The following MEIS1 variants were observed in gnomAD, a reference collection of about 807,000 sequenced individuals.
MEIS1 encodes the protein Meis homeobox 1, also known as homeobox protein Meis1.
In MEIS1, 5 loss-of-function variants were observed where a neutral mutation model predicts 50.8. The observed-to-expected ratio is 0.10, with a 90% CI of 0.05 to 0.21. The LOEUF (loss-of-function observed/expected upper bound fraction) is 0.21, where lower values mean the gene tolerates loss of function less well. Ranked by LOEUF, MEIS1 falls within the 10% of genes least tolerant of loss-of-function variation. The probability of loss-of-function intolerance (pLI) is 1.00; values close to 1 mark genes in which losing one functional copy is unlikely to be tolerated. For missense variants in MEIS1, 318 were observed against 517.3 expected (o/e 0.61, Z 3.74); for synonymous variants, 176 against 179.3 (o/e 0.98, Z 0.15).
intron 7 of MEIS1, among the ~76,000 whole-genome samples, chr2:66,511,162 T>C (rs2103851912): frequency 6.6e-6 from 1 of 152,338 alleles, no homozygotes; most frequent in East Asian, 1.9e-4. Context: ...CTTTTTGACT[T>C]TGATGCCAAG....
Position 66,442,977 on chromosome 2 carries a change from A to G in MEIS1, c.559A>G (p.Ile187Val), listed in dbSNP as rs1672035175. The G allele has an allele frequency of 6.2e-7, 1 of 1,604,560 alleles. No individual in the cohort carries two copies. The highest frequency in any genetic ancestry group is 8.5e-7 in the Non-Finnish European group (1 of 1,176,930). Reference sequence around the variant, plus strand: ...AGGGAAAATGCCTATCGATTTGGTGATAGACGATAGAGAAGGAGGATCAAA... The same window carrying G: ...AGGGAAAATGCCTATCGATTTGGTGGTAGACGATAGAGAAGGAGGATCAAA... The part of the protein sequence containing the change: ...LKGKMPIDLV[I>V]DDREGGSKSD... The change falls in exon 6 of 13, where the codon ATA (isoleucine) becomes GTA (valine). Residue 187 changes from isoleucine (I) to valine (V), a missense_variant. By Grantham distance (29) the Ile-to-Val change is conservative. Transcript: ENST00000272369.
chr2:66,567,434 T>G lies in MEIS1; in HGVS notation c.966-19T>G, dbSNP rs369277166. Reference sequence around the variant, plus strand: ...TTATTTTTAAGGAATAACGATTTGTTTCACTTTCTTGGTTACAGGTTTATT... The same window carrying G: ...TTATTTTTAAGGAATAACGATTTGTGTCACTTTCTTGGTTACAGGTTTATT... On this transcript the variant is annotated intron_variant, in intron 9 of 12. Coordinates refer to ENST00000272369, the MANE Select transcript of MEIS1 (RefSeq NM_002398.3). 1 of 1,612,466 alleles carries G rather than the reference T, an allele frequency of 6.2e-7. No individual in the cohort carries two copies. The highest frequency in any genetic ancestry group is 8.5e-7 in the Non-Finnish European group (1 of 1,179,162).
chr2:66,550,464 CTGTTTTGTTTTGTTTTGTTTTGTTT>C (rs56404928), intron 9 of MEIS1, among the ~76,000 whole-genome samples: 79 of 148,004 alleles, frequency 5.3e-4, no homozygotes, highest in African/African-American at 1.7e-3. Flanking sequence ...AAACCTCTTC[CTGTTTTGTTTTGTTTTGTTTTGTTT>C]TGTTTTGTTT....
At chr2:66,561,670 TCTAA>T (rs1363301764) in intron 9 of MEIS1, among the ~76,000 whole-genome samples, 2 of 152,356 alleles carry the variant, frequency 1.3e-5, no homozygotes, top group South Asian at 2.1e-4. Context: ...CACTAATCAA[TCTAA>T]CTAATTAACA....
chr2:66,494,651 G>A (rs573187795), intron 7 of MEIS1, among the ~76,000 whole-genome samples: 49 of 152,158 alleles, frequency 3.2e-4, no homozygotes, highest in Non-Finnish European at 5.7e-4. Flanking sequence ...GGAGGATCCC[G>A]GAGGAAGTTC....
At chr2:66,459,083 T>C (rs76631976) in intron 6 of MEIS1, among the ~76,000 whole-genome samples, 2,854 of 152,266 alleles carry the variant, frequency 0.019, 42 homozygotes, top group Non-Finnish European at 0.025. Context: ...TGAGATGGTC[T>C]GAGCTCTCAG....
intron 8 of MEIS1, among the ~76,000 whole-genome samples, chr2:66,536,899 A>G (rs1402132629): frequency 6.6e-6 from 1 of 152,188 alleles, no homozygotes; most frequent in Non-Finnish European, 1.5e-5. Context: ...TCTCTCTGGC[A>G]TTGTGAAGAC....
At chr2:66,531,784 A>T (rs889566099) in intron 8 of MEIS1, among the ~76,000 whole-genome samples, 6 of 152,190 alleles carry the variant, frequency 3.9e-5, no homozygotes, top group African/African-American at 7.2e-5. Flanking sequence ...CCCAGGCCTG[A>T]CTGCAGCAGG....
chr2:66,515,531 C>T (rs1271998688), intron 8 of MEIS1, among the ~76,000 whole-genome samples: 2 of 152,246 alleles, frequency 1.3e-5, no homozygotes, highest in African/African-American at 4.8e-5. Context: ...AAAGAGAGAA[C>T]TAAAGCCTCA....
At chr2:66,520,172 T>C (rs1674077292) in intron 8 of MEIS1, among the ~76,000 whole-genome samples, 2 of 152,052 alleles carry the variant, frequency 1.3e-5, no homozygotes, top group East Asian at 1.9e-4. Flanking sequence ...TTCTTATCTA[T>C]TATTTAAAGA....
chr2:66,493,555 T>C lies in MEIS1; in HGVS notation c.743-18594T>C, dbSNP rs561186680. On this transcript the variant is annotated intron_variant, in intron 7 of 12. Transcript: ENST00000272369. ...AGAAAATGATCTTGGTTTTCTTCCA[T>C]CATCATATCAATAATAATAAAATTA... Among the ~76,000 whole-genome samples the C allele has an allele frequency of 5.6e-4, 86 of 152,310 alleles. 1 individual carries two copies. The highest frequency in any genetic ancestry group is 3.4e-3 in the Middle Eastern group (1 of 294).
intron 9 of MEIS1, among the ~76,000 whole-genome samples, chr2:66,557,902 A>T (rs1177570742): frequency 2.0e-5 from 3 of 152,164 alleles, no homozygotes; most frequent in African/African-American, 7.2e-5. Context: ...CTCAGTTCTC[A>T]TATTCTTCTC....
At chr2:66,447,865 A>G (rs1000527905) in intron 6 of MEIS1, among the ~76,000 whole-genome samples, 1 of 152,092 alleles carries the variant, frequency 6.6e-6, no homozygotes, top group Non-Finnish European at 1.5e-5. Flanking sequence ...CTCTCAGTGG[A>G]AGTCCCCAGT....
chr2:66,472,496 A>G (rs117602992), intron 7 of MEIS1, among the ~76,000 whole-genome samples: 2 of 152,350 alleles, frequency 1.3e-5, no homozygotes, highest in East Asian at 3.9e-4. Context: ...AGTAGGTCAT[A>G]GTATTTGCCC....
At chr2:66,439,382 C>T (rs1671890629) in intron 2 of MEIS1, 1 of 1,256,816 alleles carries the variant, frequency 8.0e-7, no homozygotes, top group Middle Eastern at 3.1e-4. Flanking sequence ...CGCCTGCCAC[C>T]GAGATCCCCC....
rs1322644212 is a variant in MEIS1, at chr2:66,495,084, T to C, written c.743-17065T>C. 7.6e-5 allele frequency among the ~76,000 whole-genome samples: 11 copies of C among 144,348 alleles called. 2 individuals are homozygous for C. Among genetic ancestry groups the C allele is most frequent in the South Asian group, 4.5e-4 (2 of 4,416 alleles). 94.7% of individuals were successfully genotyped at this position (144,348 alleles called of 152,430 possible). A position where few individuals can be genotyped will look rare whatever the true frequency, so the allele number is the denominator to read the frequency against. On this transcript the variant is annotated intron_variant, in intron 7 of 12. Transcript: ENST00000272369. ...GCCCACTTTCCCTCTTCTGACCTTT[T>C]TTTTTTTTTTTTTTTTTTTTTTTTA... is the stretch of plus-strand genomic sequence containing the variant.
At chr2:66,547,643 C>T (rs1227123787) in intron 8 of MEIS1, among the ~76,000 whole-genome samples, 1 of 152,034 alleles carries the variant, frequency 6.6e-6, no homozygotes, top group Admixed American at 6.6e-5. Context: ...TATTTTAATC[C>T]TATAAAATAC....
At chr2:66,564,255 A>C (rs541199899) in intron 9 of MEIS1, among the ~76,000 whole-genome samples, 1 of 152,296 alleles carries the variant, frequency 6.6e-6, no homozygotes, top group African/African-American at 2.4e-5. Flanking sequence ...TGATATCTAC[A>C]CATTCTAGGG....
chr2:66,480,627 C>A (rs934242731), intron 7 of MEIS1, among the ~76,000 whole-genome samples: 1 of 148,706 alleles, frequency 6.7e-6, no homozygotes, highest in African/African-American at 2.6e-5. Context: ...ATAGACAAGT[C>A]TTGGGTACGT....
Sources: allele counts gnomAD v4.1 joint callset (sites outside exome capture counted in the v4.1 genomes callset), GRCh38; gene constraint gnomAD v4.1.1; transcripts MANE v1.5; gene names NCBI Gene and HGNC (gene_info 2026-07-23, HGNC 2026-07-21).